The following PNKD variants were observed in gnomAD, a reference collection of about 807,000 sequenced individuals.
The protein encoded by PNKD is PNKD metallo-beta-lactamase domain containing.
Under a neutral mutation model 45.3 loss-of-function variants are expected in PNKD, and 36 were observed. That is an observed-to-expected ratio of 0.80 (90% CI 0.61 to 1.05). The LOEUF is 1.05. Ranked by LOEUF, PNKD falls within the 50% of genes least tolerant of loss-of-function variation. The pLI is 0.00. For synonymous variants in PNKD, 197 were observed against 210.1 expected, an observed-to-expected ratio of 0.94 and a Z score of 0.54; for missense variants, 511 against 506.6, an observed-to-expected ratio of 1.01 and a Z score of -0.08.
intron 8 of PNKD, 93 bp downstream of exon 8, chr2:218,343,679 C>T (rs936925382): frequency 3.2e-6 from 3 of 939,660 alleles, no homozygotes; most frequent in African/African-American, 3.3e-5. Context: ...AGAAAGCAGG[C>T]CAGCCCAGTT....
At position 218,340,919 on chromosome 2, in the gene PNKD, C is replaced by G. The variant is rs1011772925; in HGVS notation, c.524+133C>G. On this transcript the variant is annotated intron_variant, in intron 5 of 9. Coordinates refer to ENST00000273077, the MANE Select transcript of PNKD (RefSeq NM_015488.5). The surrounding 1 kb of genome is among the most constrained non-coding windows in gnomAD (Gnocchi z 4.2). The stretch of plus-strand genomic sequence containing the variant: ...GGCACCCGCCTTCCTCGTGAAGTCA[C>G]CTGGACACCAGCAGGGAGGGAGGAG... 121 of 757,506 alleles carry G rather than the reference C, an allele frequency of 1.6e-4. 2 individuals are homozygous for G. Among genetic ancestry groups the G allele is most frequent in the Non-Finnish European group, 8.4e-5 (35 of 418,722 alleles). The allele number at this position is 757,506 out of a possible 1,614,324, so 46.9% of individuals were successfully genotyped here. A position where few individuals can be genotyped will look rare whatever the true frequency, so the allele number is the denominator to read the frequency against.
chr2:218,322,429 G>A (rs898009542), intron 2 of PNKD, among the ~76,000 whole-genome samples: 11 of 152,178 alleles, frequency 7.2e-5, no homozygotes, highest in Admixed American at 2.0e-4. Flanking sequence ...TGGGAACGGT[G>A]ATGTGGAAAT....
chr2:218,289,625 GAAAAA>G (rs10675061), intron 2 of PNKD, among the ~76,000 whole-genome samples: 2 of 87,788 alleles, frequency 2.3e-5, no homozygotes, highest in Admixed American at 1.5e-4. Flanking sequence ...CTGGGCGACA[GAAAAA>G]AAAAAAAAAA....
intron 2 of PNKD, among the ~76,000 whole-genome samples, chr2:218,291,557 A>G (rs1428170823): frequency 6.6e-6 from 1 of 152,102 alleles, no homozygotes; most frequent in East Asian, 1.9e-4. Flanking sequence ...CTCAGGTAGA[A>G]CCCCAAACTC....
At chr2:218,307,950 A>T (rs1461231882) in intron 2 of PNKD, among the ~76,000 whole-genome samples, 1 of 152,132 alleles carries the variant, frequency 6.6e-6, no homozygotes, top group East Asian at 1.9e-4. Flanking sequence ...CCAAATTAGG[A>T]TGGAGCAGTA....
intron 2 of PNKD, chr2:218,280,030 C>G: frequency 6.2e-7 from 1 of 1,613,930 alleles, no homozygotes; most frequent in Non-Finnish European, 8.5e-7. Flanking sequence ...TCTTACCTTT[C>G]GGATAAAAGT....
intron 2 of PNKD, chr2:218,280,471 A>C (rs529658668): frequency 1.6e-5 from 5 of 318,810 alleles, no homozygotes; most frequent in African/African-American, 1.1e-4. Flanking sequence ...AGGGCAGAAC[A>C]GGGGATGGGG....
chr2:218,289,747 A>AG (rs1201046624), intron 2 of PNKD, among the ~76,000 whole-genome samples: 1 of 151,948 alleles, frequency 6.6e-6, no homozygotes, highest in Non-Finnish European at 1.5e-5. Flanking sequence ...AACCTACACC[A>AG]GGGGGTCACT....
chr2:218,314,012 C>T (rs1693692440), intron 2 of PNKD, among the ~76,000 whole-genome samples: 1 of 150,704 alleles, frequency 6.6e-6, no homozygotes, highest in African/African-American at 2.4e-5. Context: ...ACCTCCGCCT[C>T]CCAGGTTCAA....
intron 2 of PNKD, chr2:218,323,344 T>A: frequency 6.3e-7 from 1 of 1,581,826 alleles, no homozygotes; most frequent in Non-Finnish European, 8.6e-7. Flanking sequence ...GTCCTCGTCC[T>A]ACTTGTGAGC....
At chr2:218,302,618 G>A (rs1221185344) in intron 2 of PNKD, among the ~76,000 whole-genome samples, 2 of 152,200 alleles carry the variant, frequency 1.3e-5, no homozygotes, top group South Asian at 2.1e-4. Flanking sequence ...GGAGGTGGCA[G>A]GGGCCAGGTC....
chr2:218,282,713 C>T (rs2106216157), intron 2 of PNKD, among the ~76,000 whole-genome samples: 1 of 152,302 alleles, frequency 6.6e-6, no homozygotes, highest in South Asian at 2.1e-4. Context: ...TGGAGGAAAA[C>T]AAGCTAGCCC....
chr2:218,271,207 C>A, intron 1 of PNKD, 174 bp from the exon 2 acceptor site: 2 of 686,788 alleles, frequency 2.9e-6, no homozygotes, highest in East Asian at 2.6e-5. Flanking sequence ...GGTGCCACCT[C>A]GGTGGCGATT....
At chr2:218,289,251 T>C (rs907293759) in intron 2 of PNKD, among the ~76,000 whole-genome samples, 3 of 7,152 alleles carry the variant, frequency 4.2e-4, no homozygotes, top group African/African-American at 4.9e-4. Context: ...GGCTAGGAGG[T>C]GGGGACCTGA....
At chr2:218,317,648 G>A (rs1693851542) in intron 2 of PNKD, among the ~76,000 whole-genome samples, 1 of 152,244 alleles carries the variant, frequency 6.6e-6, no homozygotes, top group Non-Finnish European at 1.5e-5. Flanking sequence ...AGAAGACAGG[G>A]ATCATATTCA....
At chr2:218,289,301 G>A (rs763528525) in intron 2 of PNKD, among the ~76,000 whole-genome samples, 3 of 152,182 alleles carry the variant, frequency 2.0e-5, no homozygotes, top group Non-Finnish European at 2.9e-5. Flanking sequence ...CACTGTGAGA[G>A]CCACATCTCT....
At chr2:218,279,695 G>A (rs893474428) in intron 2 of PNKD, among the ~76,000 whole-genome samples, 1 of 152,198 alleles carries the variant, frequency 6.6e-6, no homozygotes, top group Non-Finnish European at 1.5e-5. Flanking sequence ...GGTTACAAGC[G>A]AGTAGGATCA....
chr2:218,338,782 C>A (rs1472696485), intron 2 of PNKD, among the ~76,000 whole-genome samples: 5 of 142,082 alleles, frequency 3.5e-5, no homozygotes, highest in African/African-American at 7.7e-5. Context: ...CCACACCCAG[C>A]CTCAGATGAT....
At chr2:218,342,779 G>A (rs1694720299) in intron 7 of PNKD, among the ~76,000 whole-genome samples, 1 of 152,006 alleles carries the variant, frequency 6.6e-6, no homozygotes, top group African/African-American at 2.4e-5. Context: ...CAGAACTCTG[G>A]GAGGCCAAAG....
Sources: gnomAD v4.1 joint callset for allele counts (sites outside exome capture counted in the v4.1 genomes callset) on GRCh38, gnomAD v4.1.1 for gene constraint, Gnocchi (gnomAD v3.1) non-coding constraint, MANE v1.5 for transcripts, NCBI Gene and HGNC (gene_info 2026-07-23, HGNC 2026-07-21) for gene names.